The following KIF4A variants were observed in gnomAD, a reference collection of about 807,000 sequenced individuals.
KIF4A encodes kinesin family member 4A, also known as chromosome-associated kinesin KIF4A.
In KIF4A, 7 loss-of-function variants were observed where a neutral mutation model predicts 105.9. That is an observed-to-expected ratio of 0.07 (90% confidence interval 0.04 to 0.12). The LOEUF (loss-of-function observed/expected upper bound fraction) is 0.12, where lower values mean the gene tolerates loss of function less well. KIF4A is among the 10% of genes least tolerant of loss of function. The pLI, the probability that KIF4A is intolerant of heterozygous loss-of-function variation, is 1.00. For missense variants in KIF4A, 558 were observed against 929.2 expected (o/e 0.60, Z 5.19); for synonymous variants, 281 against 331.3 (o/e 0.85, Z 1.65).
chrX:70,381,966 GAT>G (rs1479635877), intron 18 of KIF4A, among the ~76,000 whole-genome samples: 5 of 112,727 alleles, frequency 4.4e-5, no homozygotes, highest in Non-Finnish European at 7.5e-5. Context: ...ACTGTGTAAA[GAT>G]AGACATATAG....
At chrX:70,404,091 T>C in intron 24 of KIF4A, 57 bp downstream of exon 24, 1 of 1,137,507 alleles carries the variant, frequency 8.8e-7, no homozygotes, top group Non-Finnish European at 1.2e-6. Flanking sequence ...CTTGTATTGT[T>C]AGTTTTAAAA....
intron 20 of KIF4A, among the ~76,000 whole-genome samples, chrX:70,394,406 G>A (rs762480983): frequency 1.8e-5 from 2 of 110,799 alleles, no homozygotes; most frequent in African/African-American, 3.3e-5. Context: ...GTCTCACTAT[G>A]TTGCTCAGGC....
At chrX:70,309,901 A>G (rs1385346932) in intron 7 of KIF4A, among the ~76,000 whole-genome samples, 1 of 111,772 alleles carries the variant, frequency 8.9e-6, no homozygotes, top group African/African-American at 3.3e-5. Flanking sequence ...AAATTAGCCA[A>G]GCGTGGTGGC....
intron 7 of KIF4A, among the ~76,000 whole-genome samples, chrX:70,328,725 T>C (rs1350524679): frequency 1.8e-5 from 2 of 112,003 alleles, no homozygotes; most frequent in Non-Finnish European, 3.8e-5. Flanking sequence ...TTAACCATTA[T>C]ACTATATAGC....
intron 15 of KIF4A, among the ~76,000 whole-genome samples, chrX:70,371,658 C>G (rs1395802653): frequency 9.6e-6 from 1 of 104,383 alleles, no homozygotes; most frequent in Non-Finnish European, 2.0e-5. Flanking sequence ...GGGGGGCTGA[C>G]CCCCCTACCT....
chrX:70,395,685 C>T lies in KIF4A; in HGVS notation c.2247C>T (p.Asn749=), dbSNP rs762422993. The T allele has an allele frequency of 2.9e-5, 35 of 1,209,145 alleles. No homozygotes were observed. The highest frequency in any genetic ancestry group is 3.6e-5 in the Non-Finnish European group (32 of 895,064). The stretch of plus-strand genomic sequence containing the variant: ...TTCTCTTCCAGAATTGGCTTGGAAA[C>T]GAAATTGAGGTTATGGTCAGTACTG... The part of the protein sequence containing the change: ...TAARVKNWLG[N]EIEVMVSTEE... The change falls in exon 21 of 31, where the codon AAC becomes AAT. Residue 749 remains asparagine, a synonymous_variant. Coordinates refer to ENST00000374403, the MANE Select transcript of KIF4A (RefSeq NM_012310.5).
Position 70,386,606 on chromosome X carries a change from T to C in KIF4A, c.2035-12T>C. On this transcript the variant is annotated splice_polypyrimidine_tract_variant and intron_variant, in intron 18 of 30. Coordinates refer to ENST00000374403, the MANE Select transcript of KIF4A (RefSeq NM_012310.5). ...CTGAACAGCAATTAATATCTGACTTTTTTCTTGTCAGGACCGTAAGAGGCA... is the reference window on the plus strand; with the variant it reads ...CTGAACAGCAATTAATATCTGACTTCTTTCTTGTCAGGACCGTAAGAGGCA... 8.4e-7 allele frequency: 1 copy of C among 1,191,601 alleles called. No individual in the cohort carries two copies.
intron 18 of KIF4A, among the ~76,000 whole-genome samples, chrX:70,382,959 C>T (rs932771569): frequency 1.4e-4 from 15 of 110,766 alleles, no homozygotes; most frequent in African/African-American, 4.3e-4. Flanking sequence ...CCAAGGCGGG[C>T]GGATCACCTG....
intron 3 of KIF4A, among the ~76,000 whole-genome samples, chrX:70,294,117 A>C (rs2085771484): frequency 8.9e-6 from 1 of 112,404 alleles, no homozygotes; most frequent in Admixed American, 9.4e-5. Context: ...CTTTTTAAAA[A>C]AATATATTTT....
At chrX:70,404,911 G>A in intron 25 of KIF4A, 89 bp downstream of exon 25, 1 of 568,347 alleles carries the variant, frequency 1.8e-6, no homozygotes. Context: ...GCAGCAGAGA[G>A]TAATTAACTA....
At chrX:70,313,283 G>C (rs188813906) in intron 7 of KIF4A, among the ~76,000 whole-genome samples, 19 of 111,616 alleles carry the variant, frequency 1.7e-4, no homozygotes, top group African/African-American at 5.5e-4. Flanking sequence ...CTTTCTCTTT[G>C]TTAGCCCTTA....
At chrX:70,346,382 T>C (rs925054296) in intron 13 of KIF4A, among the ~76,000 whole-genome samples, 6 of 111,697 alleles carry the variant, frequency 5.4e-5, no homozygotes, top group Non-Finnish European at 7.5e-5. Flanking sequence ...TCAGAAATAG[T>C]GACCCAGGGT....
At chrX:70,348,834 G>A (rs902406180) in intron 13 of KIF4A, among the ~76,000 whole-genome samples, 1 of 112,026 alleles carries the variant, frequency 8.9e-6, no homozygotes, top group African/African-American at 3.3e-5. Flanking sequence ...AACTGCCATT[G>A]TCATCATGGC....
intron 15 of KIF4A, among the ~76,000 whole-genome samples, chrX:70,372,315 G>A (rs1440445010): frequency 1.8e-5 from 2 of 112,572 alleles, no homozygotes; most frequent in South Asian, 3.7e-4. Context: ...AGGTTGTAGC[G>A]AGCCGAGATC....
chrX:70,372,374 A>G (rs1485781563), intron 15 of KIF4A, among the ~76,000 whole-genome samples: 1 of 112,660 alleles, frequency 8.9e-6, no homozygotes, highest in African/African-American at 3.2e-5. Flanking sequence ...AGTGAACCAG[A>G]CTCCGTCTGC....
At chrX:70,419,393 C>T (rs967038474) in intron 29 of KIF4A, among the ~76,000 whole-genome samples, 2 of 112,069 alleles carry the variant, frequency 1.8e-5, no homozygotes, top group African/African-American at 6.5e-5. Flanking sequence ...ATGACCGAGG[C>T]TTGTCTTTGC....
intron 7 of KIF4A, among the ~76,000 whole-genome samples, chrX:70,326,732 C>T (rs1172919058): frequency 8.9e-6 from 1 of 112,045 alleles, no homozygotes; most frequent in Non-Finnish European, 1.9e-5. Flanking sequence ...CAAATATGTT[C>T]TTCCCCATCT....
chrX:70,360,794 G>A (rs992382454), intron 15 of KIF4A, among the ~76,000 whole-genome samples: 7 of 112,867 alleles, frequency 6.2e-5, no homozygotes, highest in Non-Finnish European at 1.3e-4. Flanking sequence ...CCTTGAGTCT[G>A]CCACTGTAGG....
intron 20 of KIF4A, among the ~76,000 whole-genome samples, chrX:70,389,180 TG>T (rs1407655079): frequency 9.0e-6 from 1 of 111,523 alleles, no homozygotes; most frequent in Non-Finnish European, 1.9e-5. Context: ...CGCTTGAGAC[TG>T]GGAGGTCAAG....
Sources: allele counts gnomAD v4.1 joint callset (sites outside exome capture counted in the v4.1 genomes callset), GRCh38; gene constraint gnomAD v4.1.1; transcripts MANE v1.5; gene names NCBI Gene and HGNC (gene_info 2026-07-23, HGNC 2026-07-21).